The following FBXW7 variants were observed in gnomAD, a reference collection of about 807,000 sequenced individuals.
FBXW7 encodes F-box and WD repeat domain containing 7.
Under a neutral mutation model 86.3 loss-of-function variants are expected in FBXW7, and 11 were observed. The observed-to-expected ratio is 0.13, with a 90% CI of 0.08 to 0.21. The LOEUF (loss-of-function observed/expected upper bound fraction) is 0.21. Ranked by LOEUF, FBXW7 falls within the 10% of genes least tolerant of loss-of-function variation. The pLI is 1.00. For missense variants in FBXW7, 488 were observed against 847.4 expected (o/e 0.58, Z 5.27); for synonymous variants, 313 against 297.9 (o/e 1.05, Z -0.52).
chr4:152,522,597 T>C (rs1749127564), intron 2 of FBXW7, among the ~76,000 whole-genome samples: 1 of 152,128 alleles, frequency 6.6e-6, no homozygotes, highest in Non-Finnish European at 1.5e-5. Context: ...ACCTTGTTTA[T>C]ACCTAACCTC....
rs541979458 is a variant in FBXW7, at chr4:152,411,758, C to CAGG, written c.45_46insCCT (p.Thr15_Gly16insPro). 2.6e-3 allele frequency: 4,246 copies of CAGG among 1,613,334 alleles called. 10 individuals carry two copies. Among genetic ancestry groups the CAGG allele is most frequent in the Non-Finnish European group, 3.3e-3 (3,945 of 1,179,682 alleles). On this transcript the variant is annotated inframe_insertion, in exon 4 of 14. Transcript: ENST00000281708. ...GAAGGGTTACCTCTCAGAGAGCCTC[C>CAGG]AGTTCGTCGTCTTTTGCTGCCCACA... is the stretch of plus-strand genomic sequence containing the variant.
At chr4:152,534,277 G>A (rs1750268686) in intron 2 of FBXW7, among the ~76,000 whole-genome samples, 1 of 149,634 alleles carries the variant, frequency 6.7e-6, no homozygotes, top group Non-Finnish European at 1.5e-5. Flanking sequence ...AGGGGGGGGT[G>A]AAAGGGAAAA....
At chr4:152,407,179 T>C (rs1012439669) in intron 4 of FBXW7, among the ~76,000 whole-genome samples, 3 of 152,214 alleles carry the variant, frequency 2.0e-5, no homozygotes, top group Non-Finnish European at 4.4e-5. Context: ...AAAGTTCTTA[T>C]CACTCTAATA....
At chr4:152,343,736 G>A (rs551236305) in intron 6 of FBXW7, among the ~76,000 whole-genome samples, 29 of 152,070 alleles carry the variant, frequency 1.9e-4, no homozygotes, top group African/African-American at 5.3e-4. Context: ...TGACCAACTC[G>A]CTTCCCTAAA....
chr4:152,349,230 T>A (rs975712022), intron 5 of FBXW7, among the ~76,000 whole-genome samples: 1 of 151,896 alleles, frequency 6.6e-6, no homozygotes, highest in Non-Finnish European at 1.5e-5. Context: ...GTCATAACCA[T>A]GAAGTTCTTA....
chr4:152,349,944 C>T, intron 5 of FBXW7, 98 bp downstream of exon 5: 1 of 597,626 alleles, frequency 1.7e-6, no homozygotes, highest in African/African-American at 1.9e-5. Flanking sequence ...GTCAACCGTA[C>T]TAGTAACATT....
chr4:152,409,864 A>G (rs911177885), intron 4 of FBXW7, among the ~76,000 whole-genome samples: 1 of 152,180 alleles, frequency 6.6e-6, no homozygotes, highest in Non-Finnish European at 1.5e-5. Flanking sequence ...GTACAGGACA[A>G]TAATTGTTAT....
chr4:152,447,598 A>C (rs1364898882), intron 2 of FBXW7, among the ~76,000 whole-genome samples: 1 of 152,242 alleles, frequency 6.6e-6, no homozygotes, highest in Admixed American at 6.5e-5. Context: ...TTTGAAATTT[A>C]TAATACTTGA....
At chr4:152,469,957 C>T (rs528185791) in intron 2 of FBXW7, among the ~76,000 whole-genome samples, 1 of 151,990 alleles carries the variant, frequency 6.6e-6, no homozygotes, top group East Asian at 1.9e-4. Flanking sequence ...TTTAGATAGC[C>T]TTTTTAAAAT....
At position 152,352,830 on chromosome 4, in the gene FBXW7, CAG is replaced by C. The variant is rs930632162; in HGVS notation, c.502-2708_502-2707del. 1.2e-5 allele frequency: 18 copies of C among 1,534,920 alleles called. No individual in the cohort carries two copies. The African/African-American group carries it at 2.3e-4, about 20-fold the overall frequency. On this transcript the variant is annotated intron_variant, in intron 4 of 13. Transcript: ENST00000281708. ...ATGCCCTGTCAAAGCCTTGACTGAA[CAG>C]ATTCCTCCCTCAGCAGCAGAGGGAT...
chr4:152,328,511 A>G, intron 10 of FBXW7, 122 bp from the exon 11 acceptor site: 1 of 588,718 alleles, frequency 1.7e-6, no homozygotes, highest in Non-Finnish European at 2.8e-6. Flanking sequence ...TCTTCAGAAA[A>G]TATTACATCC....
chr4:152,515,872 CAGCA>C (rs1748439205), intron 2 of FBXW7, among the ~76,000 whole-genome samples: 1 of 151,768 alleles, frequency 6.6e-6, no homozygotes, highest in Admixed American at 6.6e-5. Flanking sequence ...TATTTTAATC[CAGCA>C]TTTTTCTTCC....
At chr4:152,441,850 C>T (rs772372632) in intron 2 of FBXW7, among the ~76,000 whole-genome samples, 8 of 152,128 alleles carry the variant, frequency 5.3e-5, no homozygotes, top group Admixed American at 1.3e-4. Context: ...GAATATGTTA[C>T]AAAACTTTGC....
intron 4 of FBXW7, among the ~76,000 whole-genome samples, chr4:152,404,146 C>A (rs926324246): frequency 1.3e-5 from 2 of 152,132 alleles, no homozygotes; most frequent in Non-Finnish European, 1.5e-5. Context: ...GGGAAGGTTT[C>A]CACTATATTC....
chr4:152,487,125 G>T (rs932396703), intron 2 of FBXW7, among the ~76,000 whole-genome samples: 6 of 152,102 alleles, frequency 3.9e-5, no homozygotes, highest in Non-Finnish European at 8.8e-5. Context: ...AATGTGGAAA[G>T]AATAATAGAT....
intron 2 of FBXW7, among the ~76,000 whole-genome samples, chr4:152,532,266 C>A (rs750830190): frequency 2.0e-5 from 3 of 152,234 alleles, no homozygotes; most frequent in African/African-American, 4.8e-5. Context: ...TTTCAACACA[C>A]TAAGCATCTT....
chr4:152,493,987 A>G (rs1259220864), intron 2 of FBXW7, among the ~76,000 whole-genome samples: 2 of 152,238 alleles, frequency 1.3e-5, no homozygotes, highest in East Asian at 3.8e-4. Flanking sequence ...GAGAAATGGA[A>G]ACAATAATTT....
chr4:152,472,610 C>T (rs1296658323), intron 2 of FBXW7, among the ~76,000 whole-genome samples: 1 of 152,056 alleles, frequency 6.6e-6, no homozygotes, highest in Non-Finnish European at 1.5e-5. Flanking sequence ...TCTCTAATTA[C>T]AAAGTCAGAA....
rs187626952 is a variant in FBXW7, at chr4:152,448,524, G to A, written c.-119-35995C>T. 6.2e-4 allele frequency among the ~76,000 whole-genome samples: 95 copies of A among 152,224 alleles called. 1 individual carries two copies. The highest frequency in any genetic ancestry group is 2.0e-3 in the Admixed American group (30 of 15,288). On this transcript the variant is annotated intron_variant, in intron 2 of 13. Transcript: ENST00000281708. ...ATGTATGGCTACAAGAGAACAAATC[G>A]GAGCAGCAGGTCGAACGGCTCAACC...
Sources: allele counts gnomAD v4.1 joint callset (sites outside exome capture counted in the v4.1 genomes callset), GRCh38; gene constraint gnomAD v4.1.1; transcripts MANE v1.5; gene names NCBI Gene and HGNC (gene_info 2026-07-23, HGNC 2026-07-21).